Variants in SEMA6D observed in about 807,000 individuals in gnomAD.
The protein encoded by SEMA6D is semaphorin 6D.
SEMA6D carries 35 observed loss-of-function variants against 106.6 expected under a neutral mutation model. That is an observed-to-expected ratio of 0.33 (90% CI 0.25 to 0.44). SEMA6D has a LOEUF of 0.44. Ranked by LOEUF, SEMA6D falls within the 20% of genes least tolerant of loss-of-function variation. The pLI, the probability that SEMA6D is intolerant of heterozygous loss-of-function variation, is 1.00. For missense variants in SEMA6D, 1,185 were observed against 1,345.9 expected (o/e 0.88, Z 1.87); for synonymous variants, 499 against 487.7 (o/e 1.02, Z -0.31).
At chr15:47,617,943 A>G (rs142869018) in intron 4 of SEMA6D, among the ~76,000 whole-genome samples, 7 of 152,342 alleles carry the variant, frequency 4.6e-5, no homozygotes, top group Admixed American at 1.3e-4. Context: ...TGGTCCTGAT[A>G]AGATGTCTCG....
At chr15:47,607,321 A>C (rs28653141) in intron 4 of SEMA6D, among the ~76,000 whole-genome samples, 4,982 of 152,270 alleles carry the variant, frequency 0.033, 274 homozygotes, top group African/African-American at 0.11. Flanking sequence ...TATAACTAAC[A>C]AGCAGCCTTA....
chr15:47,552,741 A>G (rs2045743060), intron 3 of SEMA6D, among the ~76,000 whole-genome samples: 1 of 129,500 alleles, frequency 7.7e-6, no homozygotes, highest in African/African-American at 2.8e-5. Context: ...AATTACAAGT[A>G]GAAGATAGGT....
rs145376849 is a variant in SEMA6D at position 47,587,620 on chromosome 15, G to A, written c.-86-13245G>A. ...AAAGGACAAGCTAGTCAATATCTTA[G>A]GCTTTGAGGGCCATACATTCTTTAT... On this transcript the variant is annotated intron_variant, in intron 3 of 19. Transcript: ENST00000558014. Among the ~76,000 whole-genome samples the A allele has an allele frequency of 3.5e-4, 54 of 152,230 alleles. No individual in the cohort carries two copies. In the East Asian group the frequency reaches 8.1e-3, roughly 23 times the overall value.
At chr15:47,407,036 G>T (rs1306803692) in intron 1 of SEMA6D, among the ~76,000 whole-genome samples, 1 of 152,114 alleles carries the variant, frequency 6.6e-6, no homozygotes, top group Non-Finnish European at 1.5e-5. Context: ...TTCACTTTAT[G>T]TAGTTTTTGT....
At chr15:47,478,532 C>T (rs2043061095) in intron 3 of SEMA6D, among the ~76,000 whole-genome samples, 1 of 152,094 alleles carries the variant, frequency 6.6e-6, no homozygotes, top group Non-Finnish European at 1.5e-5. Flanking sequence ...TAATATTAGA[C>T]CTTTATGAAG....
rs1355542309 is a variant in SEMA6D, at chr15:47,731,746, T to A, written c.-55+14054T>A. Among the ~76,000 whole-genome samples the A allele has an allele frequency of 7.9e-5, 12 of 152,296 alleles. No individual in the cohort carries two copies. The South Asian group carries it at 2.5e-3, about 32-fold the overall frequency. ...TATTCCTGCTGTCTTTAACACTCCA[T>A]CAAAGATTCAAAATATATGATAAAT... On this transcript the variant is annotated intron_variant, in intron 1 of 18. Transcript: ENST00000536845.
chr15:47,366,231 T>C (rs766700217), intron 1 of SEMA6D, among the ~76,000 whole-genome samples: 6 of 152,206 alleles, frequency 3.9e-5, no homozygotes, highest in Admixed American at 6.5e-5. Flanking sequence ...TTGGTAAATA[T>C]CTTATTGTTG....
chr15:47,736,917 TC>T (rs1449716960), intron 1 of SEMA6D, among the ~76,000 whole-genome samples: 3 of 152,152 alleles, frequency 2.0e-5, no homozygotes, highest in Non-Finnish European at 4.4e-5. Flanking sequence ...CAAAAGACAA[TC>T]CCTGTAATAC....
At chr15:47,252,208 A>G (rs906314173) in intron 1 of SEMA6D, among the ~76,000 whole-genome samples, 2 of 152,058 alleles carry the variant, frequency 1.3e-5, no homozygotes, top group African/African-American at 2.4e-5. Context: ...TGCTAATTGG[A>G]TTTAAAAAAA....
intron 1 of SEMA6D, among the ~76,000 whole-genome samples, chr15:47,309,901 GGTAAA>G (rs1474327845): frequency 6.6e-6 from 1 of 152,134 alleles, no homozygotes. Flanking sequence ...TTCACACCAT[GGTAAA>G]GTAAAGAAAC....
In SEMA6D at chr15:47,561,533, C is replaced by A. The variant is rs114408459; in HGVS notation, c.-86-39332C>A. Among the ~76,000 whole-genome samples, 899 of 151,112 alleles carry A rather than the reference C, an allele frequency of 5.9e-3. 6 individuals carry two copies. The highest frequency in any genetic ancestry group is 0.021 in the African/African-American group (852 of 41,226). ...ATGACACCAAAGAGTAACACCAAAT[C>A]CTAAGAAAAAAACTGAAGAATACAG... On this transcript the variant is annotated intron_variant, in intron 3 of 19. Coordinates refer to the SEMA6D transcript ENST00000558014.
chr15:47,240,830 T>C (rs766775052), intron 1 of SEMA6D, among the ~76,000 whole-genome samples: 19 of 152,180 alleles, frequency 1.2e-4, no homozygotes, highest in Admixed American at 6.5e-4. Context: ...CTAGAGAAAT[T>C]AATCCCATTA....
chr15:47,499,213 C>T (rs1181016487), intron 3 of SEMA6D, among the ~76,000 whole-genome samples: 1 of 152,106 alleles, frequency 6.6e-6, no homozygotes, highest in African/African-American at 2.4e-5. Flanking sequence ...GGATGGAGAA[C>T]AAGACTGAGG....
intron 4 of SEMA6D, among the ~76,000 whole-genome samples, chr15:47,709,134 T>C (rs974310564): frequency 6.6e-6 from 1 of 152,006 alleles, no homozygotes; most frequent in African/African-American, 2.4e-5. Context: ...TGGGTGGTGA[T>C]ATGTATTTCC....
intron 3 of SEMA6D, among the ~76,000 whole-genome samples, chr15:47,579,219 G>T (rs528692584): frequency 6.7e-6 from 1 of 149,636 alleles, no homozygotes; most frequent in South Asian, 2.1e-4. Context: ...TCAGCTCACT[G>T]CAACCTCCAC....
At chr15:47,314,768 A>G (rs114296005) in intron 1 of SEMA6D, among the ~76,000 whole-genome samples, 1,621 of 150,778 alleles carry the variant, frequency 0.011, 24 homozygotes, top group African/African-American at 0.035. Flanking sequence ...TGAAGTGCCA[A>G]TTATCAATTA....
chr15:47,683,569 T>A (rs1359590316), intron 4 of SEMA6D, among the ~76,000 whole-genome samples: 1 of 152,260 alleles, frequency 6.6e-6, no homozygotes, highest in Non-Finnish European at 1.5e-5. Context: ...TTGTATCTAC[T>A]GTTTTAACTG....
rs183030539 is a variant in SEMA6D at position 47,244,233 on chromosome 15, T to C, written c.-239+59815T>C. The stretch of plus-strand genomic sequence containing the variant: ...ACAGCATGGGGGAGTATGAGTGGCA[T>C]GGACTTTAGAATCAGGTAGATCTGG... On this transcript the variant is annotated intron_variant, in intron 1 of 19. Coordinates refer to the SEMA6D transcript ENST00000558014. 2.0e-3 allele frequency among the ~76,000 whole-genome samples: 300 copies of C among 152,236 alleles called. 2 individuals carry two copies. The highest frequency in any genetic ancestry group is 6.8e-3 in the African/African-American group (284 of 41,542).
chr15:47,512,889 G>A (rs2044274557), intron 3 of SEMA6D, among the ~76,000 whole-genome samples: 1 of 152,258 alleles, frequency 6.6e-6, no homozygotes, highest in East Asian at 1.9e-4. Flanking sequence ...CCTGGGGCAG[G>A]GATTAGTCTA....
Sources: gnomAD v4.1 joint callset for allele counts (sites outside exome capture counted in the v4.1 genomes callset) on GRCh38, gnomAD v4.1.1 for gene constraint, MANE v1.5 for transcripts, NCBI Gene and HGNC (gene_info 2026-07-23, HGNC 2026-07-21) for gene names.